Variants in JAKMIP3 observed in about 807,000 individuals in gnomAD.
JAKMIP3 encodes janus kinase and microtubule-interacting protein 3.
JAKMIP3 carries 58 observed loss-of-function variants against 118.5 expected under a neutral mutation model. The ratio of observed to expected loss-of-function variants is 0.49; its 90% confidence interval spans 0.40 to 0.61. The LOEUF (loss-of-function observed/expected upper bound fraction) is 0.61. Ranked by LOEUF, JAKMIP3 falls within the 20% of genes least tolerant of loss-of-function variation. The probability of loss-of-function intolerance (pLI) is 0.00; values close to 1 mark genes in which losing one functional copy is unlikely to be tolerated. For missense variants in JAKMIP3, 950 were observed against 1,109.0 expected (o/e 0.86, Z 2.04); for synonymous variants, 486 against 451.2 (o/e 1.08, Z -0.98).
chr10:132,052,175 G>A (rs1034078219), intron 1 of JAKMIP3, among the ~76,000 whole-genome samples: 6 of 152,224 alleles, frequency 3.9e-5, no homozygotes, highest in Non-Finnish European at 4.4e-5. Flanking sequence ...GCAGTGAGCT[G>A]AGATTGTGCC....
chr10:132,101,468 C>T (rs1008021793), intron 1 of JAKMIP3, among the ~76,000 whole-genome samples: 1 of 152,228 alleles, frequency 6.6e-6, no homozygotes, highest in Non-Finnish European at 1.5e-5. Flanking sequence ...TATTAGCAAC[C>T]ATGACCCTTT....
chr10:132,060,883 G>C (rs1275801926), upstream of JAKMIP3, among the ~76,000 whole-genome samples: 1 of 152,124 alleles, frequency 6.6e-6, no homozygotes, highest in Admixed American at 6.5e-5. Context: ...AGCTGAGCAT[G>C]GTGGTGGGTG....
intron 1 of JAKMIP3, among the ~76,000 whole-genome samples, chr10:132,100,248 G>A (rs1370033327): frequency 2.0e-5 from 3 of 151,102 alleles, no homozygotes; most frequent in East Asian, 3.9e-4. Context: ...GGGTCTCCTC[G>A]AGCCAGGAAC....
chr10:132,167,878 CCCCTCGG>C (rs1254294080), intron 22 of JAKMIP3, 68 bp from the exon 23 acceptor site: 23 of 1,158,362 alleles, frequency 2.0e-5, no homozygotes, highest in East Asian at 5.8e-5. Flanking sequence ...TCGCCCCTCG[CCCCTCGG>C]CCCTCGCCCC....
chr10:132,166,961 C>T, intron 21 of JAKMIP3, 22 bp from the exon 22 acceptor site: 1 of 1,491,838 alleles, frequency 6.7e-7, no homozygotes, highest in South Asian at 1.2e-5. Context: ...TCCGTTTCTC[C>T]ATCCTCCCCT....
At chr10:132,151,647 T>G (rs1275325857) in intron 16 of JAKMIP3, among the ~76,000 whole-genome samples, 1 of 152,232 alleles carries the variant, frequency 6.6e-6, no homozygotes, top group African/African-American at 2.4e-5. Context: ...CCAAAGGCAC[T>G]GCCCAGGGTC....
intron 6 of JAKMIP3, 139 bp from the exon 7 acceptor site, chr10:132,136,880 G>A: frequency 4.6e-6 from 4 of 871,952 alleles, no homozygotes; most frequent in Non-Finnish European, 7.0e-6. Context: ...GGGCTGTTCT[G>A]AGGCCTGAGC....
intron 3 of JAKMIP3, 44 bp from the exon 4 acceptor site, chr10:132,133,268 C>A: frequency 6.8e-7 from 1 of 1,479,446 alleles, no homozygotes. Context: ...AACTGCAGAT[C>A]CGTGTCCTGC....
chr10:132,065,668 G>T (rs1294918238), upstream of JAKMIP3, among the ~76,000 whole-genome samples: 2 of 152,158 alleles, frequency 1.3e-5, no homozygotes, highest in East Asian at 3.9e-4. The surrounding 1 kb of genome is among the most constrained non-coding windows in gnomAD (Gnocchi z 5.6). Flanking sequence ...CTGCCTTCAG[G>T]ATCTCACCTG....
At chr10:132,108,953 C>CGCAAATGTATATATAAATTATATAT (rs2046344247) in intron 2 of JAKMIP3, among the ~76,000 whole-genome samples, 2 of 148,288 alleles carry the variant, frequency 1.3e-5, no homozygotes, top group East Asian at 1.9e-4. Flanking sequence ...AAATTATATA[C>CGCAAATGTATATATAAATTATATAT]GCAAATGTAT....
intron 3 of JAKMIP3, among the ~76,000 whole-genome samples, chr10:132,131,695 G>A (rs1018309380): frequency 2.0e-5 from 3 of 152,104 alleles, no homozygotes; most frequent in Non-Finnish European, 4.4e-5. Flanking sequence ...GCAGTGGGGT[G>A]ATGCTTGCAG....
chr10:132,132,832 C>T (rs1053320086), intron 3 of JAKMIP3, among the ~76,000 whole-genome samples: 8 of 152,032 alleles, frequency 5.3e-5, no homozygotes, highest in South Asian at 2.1e-4. Context: ...GCTTTCAGGC[C>T]AGAATTTCTG....
intron 3 of JAKMIP3, among the ~76,000 whole-genome samples, chr10:132,119,107 C>A (rs74161724): frequency 1.8e-4 from 27 of 152,274 alleles, no homozygotes; most frequent in African/African-American, 6.5e-4. Context: ...GCTGATTCTT[C>A]TGGATTTTAT....
chr10:132,167,871 CCCCTCGCCCCTCGG>C (rs1177000495), intron 22 of JAKMIP3, 68 bp from the exon 23 acceptor site: 61 of 1,091,084 alleles, frequency 5.6e-5, no homozygotes, highest in Non-Finnish European at 7.1e-5. Context: ...TCGGCCCTCG[CCCCTCGCCCCTCGG>C]CCCTCGCCCC....
chr10:132,059,763 A>C (rs1564854731), upstream of JAKMIP3, among the ~76,000 whole-genome samples: 1 of 152,362 alleles, frequency 6.6e-6, no homozygotes, highest in South Asian at 2.1e-4. Flanking sequence ...AGGGCATCCC[A>C]GCTCCACCCT....
At chr10:132,116,931 G>C in intron 2 of JAKMIP3, 146 bp from the exon 3 acceptor site, 1 of 858,458 alleles carries the variant, frequency 1.2e-6, no homozygotes, top group East Asian at 2.7e-5. Context: ...ATTCAGGTGT[G>C]AGTGTGTGCA....
rs368486466 is a variant in JAKMIP3, at chr10:132,117,319, C to T, written c.378C>T (p.Gly126=). Residue 126 remains glycine, a synonymous_variant, in exon 3 of 24, where the codon GGC becomes GGT. Transcript: ENST00000684848. The surrounding 1 kb of genome is among the most constrained non-coding windows in gnomAD (Gnocchi z 8.6). ...CACTGCTCAGTGCCCTGCGTGATGG[C>T]GGCCCCGAAAAGGTCAAGACCGTGC... The part of the protein sequence containing the change: ...LQALLSALRD[G]GPEKVKTVLL... The T allele has an allele frequency of 1.4e-5, 22 of 1,613,838 alleles. No homozygotes were observed. The highest frequency in any genetic ancestry group is 1.6e-4 in the Middle Eastern group (1 of 6,082).
At chr10:132,162,756 G>GTATTTTGGCTGCTGGGTTATTA (rs1564987964) in intron 19 of JAKMIP3, among the ~76,000 whole-genome samples, 7 of 150,194 alleles carry the variant, frequency 4.7e-5, no homozygotes, top group Non-Finnish European at 8.9e-5. Flanking sequence ...ATGAAAAGGT[G>GTATTTTGGCTGCTGGGTTATTA]TGTATTTTGG....
chr10:132,146,028 G>A (rs919181753), intron 13 of JAKMIP3, among the ~76,000 whole-genome samples: 30 of 152,214 alleles, frequency 2.0e-4, no homozygotes, highest in South Asian at 2.1e-4. Context: ...CAGCCTGGCT[G>A]AGCAAGTGCG....
Sources: allele counts gnomAD v4.1 joint callset (sites outside exome capture counted in the v4.1 genomes callset), GRCh38; gene constraint gnomAD v4.1.1; non-coding constraint Gnocchi (gnomAD v3.1); transcripts MANE v1.5; gene names NCBI Gene and HGNC (gene_info 2026-07-23, HGNC 2026-07-21).